Variants in SUGCT observed in about 807,000 individuals in gnomAD.
The protein encoded by SUGCT is succinyl-CoA:glutarate CoA-transferase.
A neutral mutation model predicts 55.0 loss-of-function variants in SUGCT; 41 were observed. The ratio of observed to expected loss-of-function variants is 0.74; its 90% CI spans 0.58 to 0.97. The LOEUF is 0.97. SUGCT is among the 50% of genes least tolerant of loss of function. The probability of loss-of-function intolerance (pLI) is 0.00; values close to 1 mark genes in which losing one functional copy is unlikely to be tolerated. For missense variants in SUGCT, 568 were observed against 547.8 expected (o/e 1.04, Z -0.37); for synonymous variants, 187 against 200.4 (o/e 0.93, Z 0.56).
intron 12 of SUGCT, among the ~76,000 whole-genome samples, chr7:40,697,590 G>A (rs1358663241): frequency 1.3e-5 from 2 of 152,134 alleles, no homozygotes; most frequent in Non-Finnish European, 2.9e-5. Context: ...GTGAGCCAAG[G>A]TCATGCCACT....
At chr7:40,464,064 G>T (rs1284289871) in intron 11 of SUGCT, among the ~76,000 whole-genome samples, 1 of 152,166 alleles carries the variant, frequency 6.6e-6, no homozygotes, top group African/African-American at 2.4e-5. Context: ...TAGGAAGAGA[G>T]GGATAAAGAT....
the SUGCT span, among the ~76,000 whole-genome samples, chr7:40,919,730 A>C: frequency 1.3e-5 from 2 of 152,034 alleles, no homozygotes; most frequent in South Asian, 2.1e-4. Flanking sequence ...ACCCCACTAC[A>C]TTTTTAGATT....
At chr7:40,823,363 A>G (rs1275102041) in intron 13 of SUGCT, among the ~76,000 whole-genome samples, 2 of 152,132 alleles carry the variant, frequency 1.3e-5, no homozygotes, top group East Asian at 3.9e-4. Flanking sequence ...TCTCTACTAC[A>G]TACATACACC....
intron 7 of SUGCT, among the ~76,000 whole-genome samples, chr7:40,264,857 C>T (rs922113744): frequency 1.3e-5 from 2 of 152,160 alleles, no homozygotes; most frequent in African/African-American, 2.4e-5. Context: ...TGCACTATTG[C>T]GAAGTCATTC....
the SUGCT span, among the ~76,000 whole-genome samples, chr7:40,999,224 T>C: frequency 2.0e-5 from 3 of 152,134 alleles, no homozygotes; most frequent in African/African-American, 7.2e-5. Context: ...ACAGCTTTTT[T>C]TTTTTCTCAT....
chr7:40,349,509 C>T (rs1164586670), intron 9 of SUGCT, among the ~76,000 whole-genome samples: 1 of 152,084 alleles, frequency 6.6e-6, no homozygotes, highest in African/African-American at 2.4e-5. Flanking sequence ...ATAGTTGAGT[C>T]TAGTCTTTGT....
At chr7:40,602,512 A>G (rs1041714473) in intron 12 of SUGCT, among the ~76,000 whole-genome samples, 2 of 152,118 alleles carry the variant, frequency 1.3e-5, no homozygotes, top group African/African-American at 2.4e-5. Context: ...AGATGTGTCT[A>G]TTCACAAGAA....
intron 12 of SUGCT, among the ~76,000 whole-genome samples, chr7:40,553,620 A>G (rs1215921005): frequency 6.6e-6 from 1 of 152,214 alleles, no homozygotes; most frequent in Non-Finnish European, 1.5e-5. Context: ...TAGACTGATA[A>G]TCATTAACTG....
rs115844044 is a variant in SUGCT at position 40,447,969 on chromosome 7, A to G, written c.817-1318A>G. ...ATTTCACTGTGATCATATGTGGAGAAAGAAGTGCTAAAACATCCTCCAATG... is the reference window on the plus strand; with the variant it reads ...ATTTCACTGTGATCATATGTGGAGAGAGAAGTGCTAAAACATCCTCCAATG... On this transcript the variant is annotated intron_variant, in intron 9 of 13. Transcript: ENST00000335693. Among the ~76,000 whole-genome samples the G allele has an allele frequency of 2.6e-3, 390 of 152,282 alleles. 1 individual carries two copies. The highest frequency in any genetic ancestry group is 9.1e-3 in the African/African-American group (379 of 41,544).
intron 12 of SUGCT, among the ~76,000 whole-genome samples, chr7:40,600,377 T>G (rs939339410): frequency 1.3e-5 from 2 of 152,204 alleles, no homozygotes; most frequent in African/African-American, 4.8e-5. Context: ...CAGGCATCAT[T>G]GTGGCTAGAT....
At chr7:40,608,804 A>G (rs1460272700) in intron 12 of SUGCT, among the ~76,000 whole-genome samples, 6 of 152,206 alleles carry the variant, frequency 3.9e-5, no homozygotes, top group Non-Finnish European at 8.8e-5. Context: ...AAAAGAAAAG[A>G]GGGAAAACAC....
chr7:40,363,366 G>A (rs1798249830), intron 9 of SUGCT, among the ~76,000 whole-genome samples: 1 of 152,118 alleles, frequency 6.6e-6, no homozygotes, highest in Admixed American at 6.6e-5. Context: ...TTTTGAATGT[G>A]TTTGCTCTTG....
the SUGCT span, among the ~76,000 whole-genome samples, chr7:40,902,336 T>C: frequency 6.6e-6 from 1 of 152,100 alleles, no homozygotes; most frequent in East Asian, 1.9e-4. Flanking sequence ...CCCAGCACTT[T>C]AGGAGGCTTG....
intron 13 of SUGCT, among the ~76,000 whole-genome samples, chr7:40,779,188 A>G (rs1040591722): frequency 3.9e-5 from 6 of 152,144 alleles, no homozygotes; most frequent in African/African-American, 1.2e-4. Context: ...ACTCCCCTCA[A>G]TGACCTCTAA....
At position 40,539,580 on chromosome 7, in the gene SUGCT, A is replaced by C. The variant is rs564099664; in HGVS notation, c.1089+43194A>C. The C allele has an allele frequency of 2.6e-5, 4 of 152,324 alleles. No homozygotes were observed. In the South Asian group the frequency reaches 6.2e-4, roughly 24 times the overall value. The allele number at this position is 152,324 out of a possible 1,614,324, so 9.4% of individuals were successfully genotyped here. ...TTGTTCTAGAGAAGCAAAACTCTTC[A>C]CTGGCACTAAAGGGAGACATTTCTT... On this transcript the variant is annotated intron_variant, in intron 12 of 13. Coordinates refer to ENST00000335693, the MANE Select transcript of SUGCT (RefSeq NM_001193313.2).
chr7:40,353,780 T>A (rs183362975), intron 9 of SUGCT, among the ~76,000 whole-genome samples: 29 of 152,296 alleles, frequency 1.9e-4, no homozygotes, highest in African/African-American at 6.5e-4. Flanking sequence ...ACATCAAACT[T>A]AAATGTGTCT....
intron 12 of SUGCT, among the ~76,000 whole-genome samples, chr7:40,537,244 A>T (rs1204887737): frequency 6.6e-6 from 1 of 152,212 alleles, no homozygotes; most frequent in Non-Finnish European, 1.5e-5. Flanking sequence ...CTTTTGCTAT[A>T]GCTGCGTGGC....
chr7:40,710,922 A>T (rs1215514210), intron 12 of SUGCT, among the ~76,000 whole-genome samples: 5 of 152,226 alleles, frequency 3.3e-5, no homozygotes, highest in Non-Finnish European at 7.3e-5. Context: ...TGCAGCCGTT[A>T]AGGTGTTACA....
intron 1 of SUGCT, chr7:40,141,854 C>T (rs1242475737): frequency 7.1e-6 from 3 of 424,654 alleles, no homozygotes; most frequent in Admixed American, 4.9e-5. Flanking sequence ...GAAGAATGCG[C>T]CCTTACAGAT....
Sources: allele counts gnomAD v4.1 joint callset (sites outside exome capture counted in the v4.1 genomes callset), GRCh38; gene constraint gnomAD v4.1.1; transcripts MANE v1.5; gene names NCBI Gene and HGNC (gene_info 2026-07-23, HGNC 2026-07-21).